Variants in ABCC8 observed in about 807,000 individuals in gnomAD.
ABCC8 encodes the protein ATP-binding cassette sub-family C member 8.
ABCC8 carries 137 observed loss-of-function variants against 188.0 expected under a neutral mutation model. The ratio of observed to expected loss-of-function variants is 0.73; its 90% CI spans 0.63 to 0.84. The LOEUF is 0.84. Ranked by LOEUF, ABCC8 falls within the 40% of genes least tolerant of loss-of-function variation. The probability of loss-of-function intolerance (pLI) is 0.00; values close to 1 mark genes in which losing one functional copy is unlikely to be tolerated. For synonymous variants in ABCC8, 797 were observed against 846.5 expected, an observed-to-expected ratio of 0.94 and a Z score of 1.01; for missense variants, 1,750 against 2,072.7, an observed-to-expected ratio of 0.84 and a Z score of 3.02.
At chr11:17,475,113 TTG>T in intron 1 of ABCC8, 86 bp from the exon 2 acceptor site, 3 of 1,576,676 alleles carry the variant, frequency 1.9e-6, no homozygotes, top group Non-Finnish European at 2.6e-6. Context: ...TGCTTGGGCA[TTG>T]GGTCCATGGT....
At chr11:17,457,131 G>T (rs1055993750) in intron 6 of ABCC8, among the ~76,000 whole-genome samples, 8 of 152,332 alleles carry the variant, frequency 5.3e-5, no homozygotes, top group African/African-American at 1.9e-4. Flanking sequence ...CAGACCAGCT[G>T]CATGGACATG....
chr11:17,440,211 C>A (rs184537922), intron 10 of ABCC8, among the ~76,000 whole-genome samples: 1 of 152,166 alleles, frequency 6.6e-6, no homozygotes, highest in Non-Finnish European at 1.5e-5. Flanking sequence ...CAAGCCTGCT[C>A]TACCCCACCC....
intron 27 of ABCC8, 36 bp downstream of exon 27, chr11:17,405,458 C>G: frequency 6.2e-7 from 1 of 1,613,978 alleles, no homozygotes; most frequent in South Asian, 1.1e-5. Flanking sequence ...CGAGGTGTCT[C>G]TGGAAGGGGG....
At position 17,444,965 on chromosome 11, in the gene ABCC8, A is replaced by G. The variant is rs1373338748; in HGVS notation, c.1333-1653T>C. 1.8e-4 allele frequency among the ~76,000 whole-genome samples: 27 copies of G among 152,206 alleles called. 1 individual carries two copies. Among genetic ancestry groups the G allele is most frequent in the Admixed American group, 1.8e-3 (27 of 15,286 alleles). ...AATTGTGGCTGGCATATAGTTGGAG[A>G]TCAATACAAGATGGCCTACCCTCCT... is the stretch of plus-strand genomic sequence containing the variant. On this transcript the variant is annotated intron_variant, in intron 8 of 38. Coordinates refer to ENST00000389817, the MANE Select transcript of ABCC8 (RefSeq NM_000352.6).
rs745948796 is a variant in ABCC8 at position 17,397,776 on chromosome 11, C to T, written c.3775G>A (p.Val1259Met). The T allele has an allele frequency of 6.2e-5, 100 of 1,613,740 alleles. No homozygotes were observed. The Middle Eastern group carries it at 1.3e-3, about 21-fold the overall frequency. ...VRMEYIGACV[V>M]LIAAVTSISN... ...ATGGAGGTCACCGCTGCGATGAGCA[C>T]CACACATGCACCGATGTACTCCTGG... Residue 1259 changes from valine (V) to methionine (M), a missense_variant, in exon 31 of 39, where the codon GTG becomes ATG. Val to Met is a conservative substitution (Grantham distance 21). Coordinates refer to ENST00000389817, the MANE Select transcript of ABCC8 (RefSeq NM_000352.6).
At chr11:17,441,165 AT>A (rs146159266) in intron 10 of ABCC8, among the ~76,000 whole-genome samples, 1 of 151,794 alleles carries the variant, frequency 6.6e-6, no homozygotes, top group Non-Finnish European at 1.5e-5. Context: ...GAGCCCAGAG[AT>A]TTTTTTTCTC....
At chr11:17,392,780 G>A, downstream of ABCC8, 1 of 632,368 alleles carries the variant, frequency 1.6e-6, no homozygotes, top group East Asian at 2.8e-5. Flanking sequence ...AGGTAAGGAA[G>A]CAGGCTTTTG....
intron 32 of ABCC8, 32 bp downstream of exon 32, chr11:17,397,161 C>T: frequency 1.2e-6 from 2 of 1,613,408 alleles, no homozygotes; most frequent in Non-Finnish European, 1.7e-6. Flanking sequence ...CCTCCTTGGA[C>T]TCTTCCCCAC....
chr11:17,437,749 A>C (rs1956163370), intron 10 of ABCC8, among the ~76,000 whole-genome samples: 1 of 152,176 alleles, frequency 6.6e-6, no homozygotes, highest in African/African-American at 2.4e-5. Flanking sequence ...CCAGGCCAGG[A>C]TATGCATAAG....
intron 3 of ABCC8, among the ~76,000 whole-genome samples, chr11:17,467,620 TCCA>T (rs1340298063): frequency 6.6e-6 from 1 of 152,244 alleles, no homozygotes; most frequent in Non-Finnish European, 1.5e-5. Context: ...TCATCTGGGT[TCCA>T]GGATCATGGT....
chr11:17,414,689 T>A, intron 18 of ABCC8, 79 bp from the exon 19 acceptor site: 1 of 1,600,460 alleles, frequency 6.2e-7, no homozygotes, highest in South Asian at 1.1e-5. Flanking sequence ...GTCAAGCTGA[T>A]GGCTCAGATG....
intron 14 of ABCC8, 120 bp downstream of exon 14, chr11:17,428,169 G>A (rs752973459): frequency 9.2e-5 from 143 of 1,559,574 alleles, no homozygotes; most frequent in Admixed American, 2.0e-4. Flanking sequence ...CCTATGGACC[G>A]TACAGGCAGG....
chr11:17,462,313 G>C (rs1334762803), intron 4 of ABCC8, among the ~76,000 whole-genome samples: 2 of 152,146 alleles, frequency 1.3e-5, no homozygotes, highest in African/African-American at 4.8e-5. Flanking sequence ...GTCACTGGAT[G>C]GGGGGACACA....
intron 6 of ABCC8, 86 bp from the exon 7 acceptor site, chr11:17,453,369 G>A (rs1225569975): frequency 1.5e-5 from 23 of 1,560,768 alleles, no homozygotes; most frequent in Non-Finnish European, 1.9e-5. Flanking sequence ...AATGGACCAC[G>A]GCCATCATTA....
chr11:17,409,326 C>A lies in ABCC8; in HGVS notation c.2695-809G>T, dbSNP rs185950010. Among the ~76,000 whole-genome samples, 46 of 152,208 alleles carry A rather than the reference C, an allele frequency of 3.0e-4. 1 individual carries two copies. The highest frequency in any genetic ancestry group is 2.7e-3 in the Admixed American group (41 of 15,296). On this transcript the variant is annotated intron_variant, in intron 22 of 38. Coordinates refer to ENST00000389817, the MANE Select transcript of ABCC8 (RefSeq NM_000352.6). The stretch of plus-strand genomic sequence containing the variant: ...GACCTGACATTAATTCAGACACCCA[C>A]CCCTGCTGCCCTCACCCCCTCCCGC...
Position 17,395,655 on chromosome 11 carries a change from A to G in ABCC8, c.4262T>C (p.Leu1421Pro). 1 of 1,560,870 alleles carries G rather than the reference A, an allele frequency of 6.4e-7. No individual in the cohort carries two copies. Among genetic ancestry groups the G allele is most frequent in the African/African-American group, 1.4e-5 (1 of 73,786 alleles). The change falls in exon 35 of 39, where the codon CTC (leucine) becomes CCC (proline). Residue 1421 changes from leucine to proline, a missense_variant. By Grantham distance (98) the Leu-to-Pro change is moderately conservative. Coordinates refer to ENST00000389817, the MANE Select transcript of ABCC8 (RefSeq NM_000352.6). ...KLPLHTLRSR[L>P]SIILQDPVLF... ...GACGGGGTCCTGCAGGATGATGGAG[A>G]GGCGTGAGCGCAGGGTGTGCAGCGG... is the stretch of plus-strand genomic sequence containing the variant.
intron 16 of ABCC8, among the ~76,000 whole-genome samples, chr11:17,425,223 C>T (rs1955527359): frequency 6.6e-6 from 1 of 152,232 alleles, no homozygotes; most frequent in African/African-American, 2.4e-5. Context: ...CCAAAGACAT[C>T]ACAGTCCCTG....
rs1336761032 is a variant in ABCC8, at chr11:17,450,365, TC to T, written c.1177-1695del. Among the ~76,000 whole-genome samples, 38 of 62,554 alleles carry T rather than the reference TC, an allele frequency of 6.1e-4. 1 individual carries two copies. The highest frequency in any genetic ancestry group is 0.026 in the Middle Eastern group (2 of 78). 41.0% of individuals were successfully genotyped at this position (62,554 alleles called of 152,430 possible). ...CCTTTCTTTCTTTCTTTCCTTCCTT[TC>T]CTTTCCTTTCTTTCCTTTCCTTTCC... is the stretch of plus-strand genomic sequence containing the variant. On this transcript the variant is annotated intron_variant, in intron 7 of 38. Transcript: ENST00000389817.
In ABCC8 at chr11:17,435,714, C is replaced by T. The variant is rs111389269; in HGVS notation, c.1631-3470G>A. The T allele has an allele frequency of 2.4e-3, 3,236 of 1,376,684 alleles. 13 individuals are homozygous for T. Among genetic ancestry groups the T allele is most frequent in the African/African-American group, 0.018 (1,235 of 70,184 alleles). The allele number at this position is 1,376,684 out of a possible 1,614,324, so 85.3% of individuals were successfully genotyped here. Reference sequence around the variant, plus strand: ...CTACAGAGGACAGTACAGTAAGAACCGGGACAACCACTCCAGATTGGTATA... The same window carrying T: ...CTACAGAGGACAGTACAGTAAGAACTGGGACAACCACTCCAGATTGGTATA... On this transcript the variant is annotated intron_variant, in intron 10 of 38. Coordinates refer to ENST00000389817, the MANE Select transcript of ABCC8 (RefSeq NM_000352.6).
Sources: gnomAD v4.1 joint callset for allele counts (sites outside exome capture counted in the v4.1 genomes callset) on GRCh38, gnomAD v4.1.1 for gene constraint, MANE v1.5 for transcripts, NCBI Gene and HGNC (gene_info 2026-07-23, HGNC 2026-07-21) for gene names.